KCNH1: variants seen among roughly 807,000 people sequenced by gnomAD.
KCNH1 encodes the protein potassium voltage-gated channel subfamily H member 1.
A neutral mutation model predicts 69.2 loss-of-function variants in KCNH1; 27 were observed. The ratio of observed to expected loss-of-function variants is 0.39; its 90% confidence interval spans 0.29 to 0.54. The LOEUF (loss-of-function observed/expected upper bound fraction) is 0.54, where lower values mean the gene tolerates loss of function less well. Ranked by LOEUF, KCNH1 falls within the 20% of genes least tolerant of loss-of-function variation. The probability of loss-of-function intolerance (pLI) is 0.68; values close to 1 mark genes in which losing one functional copy is unlikely to be tolerated. For synonymous variants in KCNH1, 456 were observed against 487.7 expected (o/e 0.93, Z 0.86); for missense variants, 798 against 1,261.6 (o/e 0.63, Z 5.57).
chr1:211,067,698 C>A (rs914593210), intron 5 of KCNH1, among the ~76,000 whole-genome samples: 6 of 152,160 alleles, frequency 3.9e-5, no homozygotes, highest in African/African-American at 1.4e-4. Context: ...CATCCCCTAC[C>A]CGGTCTAAAG....
intron 10 of KCNH1, among the ~76,000 whole-genome samples, chr1:210,770,338 G>A (rs972910630): frequency 4.6e-5 from 7 of 152,148 alleles, no homozygotes; most frequent in Non-Finnish European, 7.3e-5. Context: ...AAACCTGTAC[G>A]TTCTGCACAT....
chr1:210,684,236 C>T (rs1574178782), intron 10 of KCNH1, 98 bp from the exon 11 acceptor site: 2 of 1,296,084 alleles, frequency 1.5e-6, no homozygotes, highest in Non-Finnish European at 1.0e-6. Flanking sequence ...CCTCTGCTTC[C>T]AGTCCACCTG....
intron 1 of KCNH1, 142 bp from the exon 2 acceptor site, chr1:211,107,519 C>T (rs1691377461): frequency 6.1e-6 from 5 of 825,770 alleles, no homozygotes; most frequent in Non-Finnish European, 9.2e-6. Flanking sequence ...AAATGTCGCC[C>T]TGTAAGGAAT....
chr1:210,852,766 C>T (rs1317083288), intron 7 of KCNH1, among the ~76,000 whole-genome samples: 1 of 152,136 alleles, frequency 6.6e-6, no homozygotes, highest in Non-Finnish European at 1.5e-5. Context: ...CCATGGTTCC[C>T]TTACTTTCAT....
Position 210,955,228 on chromosome 1 carries a change from T to G in KCNH1, c.1033-35159A>C, listed in dbSNP as rs1251099850. Reference sequence around the variant, plus strand: ...GATGGTTATAGATGTGTGGTGTTATTTCTGAGGCCTCTGTTCTGTTCTATT... The same window carrying G: ...GATGGTTATAGATGTGTGGTGTTATGTCTGAGGCCTCTGTTCTGTTCTATT... On this transcript the variant is annotated intron_variant, in intron 6 of 10. Transcript: ENST00000271751. Among the ~76,000 whole-genome samples, 3 of 152,190 alleles carry G rather than the reference T, an allele frequency of 2.0e-5. No homozygotes were observed. In the East Asian group the frequency reaches 5.8e-4, roughly 29 times the overall value.
intron 8 of KCNH1, among the ~76,000 whole-genome samples, chr1:210,802,955 C>T (rs1472643043): frequency 6.6e-6 from 1 of 152,150 alleles, no homozygotes; most frequent in East Asian, 1.9e-4. Context: ...AAAAAAAATG[C>T]TCCCTCACTT....
intron 7 of KCNH1, among the ~76,000 whole-genome samples, chr1:210,824,198 G>A (rs1684991215): frequency 6.6e-6 from 1 of 151,722 alleles, no homozygotes; most frequent in Non-Finnish European, 1.5e-5. Context: ...ATTGGTCTTA[G>A]GACTCCTTTC....
intron 7 of KCNH1, among the ~76,000 whole-genome samples, chr1:210,830,331 A>G (rs1460463732): frequency 6.6e-6 from 1 of 152,200 alleles, no homozygotes; most frequent in African/African-American, 2.4e-5. Context: ...GTGAAGCCAT[A>G]TCAAACCAAG....
At chr1:210,830,540 A>G (rs1301003724) in intron 7 of KCNH1, among the ~76,000 whole-genome samples, 1 of 152,172 alleles carries the variant, frequency 6.6e-6, no homozygotes, top group Admixed American at 6.5e-5. Flanking sequence ...TTCTGTGTCA[A>G]ATAAGGAGAA....
intron 10 of KCNH1, among the ~76,000 whole-genome samples, chr1:210,740,704 A>ATTTTTTT (rs199727493): frequency 8.5e-6 from 1 of 117,264 alleles, no homozygotes; most frequent in Non-Finnish European, 1.7e-5. Flanking sequence ...TTATGATTAA[A>ATTTTTTT]TTTTTTTTTT....
Position 210,919,897 on chromosome 1 carries a change from TC to T in KCNH1, c.1204del (p.Asp402ThrfsTer21). ...WMACIWYSIG[D>X]YEIFDEDTKT... ...GGTGTCCTCGTCAAAGATCTCATAG[TC>T]CCCAATGCTGTACCAGATGCAGGCC... On this transcript the variant is annotated frameshift_variant, in exon 7 of 11. Coordinates refer to ENST00000271751, the MANE Select transcript of KCNH1 (RefSeq NM_172362.3). LOFTEE classifies it high-confidence loss of function. This position sits in a 1 kb window ranked among gnomAD's most constrained non-coding sequence, Gnocchi z 4.2. 6.2e-7 allele frequency: 1 copy of T among 1,614,060 alleles called. No homozygotes were observed. The highest frequency in any genetic ancestry group is 8.5e-7 in the Non-Finnish European group (1 of 1,179,996).
chr1:211,054,214 A>G (rs1033365953), intron 5 of KCNH1, among the ~76,000 whole-genome samples: 12 of 152,244 alleles, frequency 7.9e-5, no homozygotes, highest in Non-Finnish European at 1.3e-4. Context: ...CCTGGGAACC[A>G]GAGGTTACAA....
intron 5 of KCNH1, among the ~76,000 whole-genome samples, chr1:211,064,320 G>A (rs1470120422): frequency 6.6e-6 from 1 of 152,328 alleles, no homozygotes; most frequent in East Asian, 1.9e-4. Flanking sequence ...CAACACTTTG[G>A]GAGGCCAAGG....
At chr1:210,798,826 G>A (rs576457473) in intron 8 of KCNH1, among the ~76,000 whole-genome samples, 9 of 152,282 alleles carry the variant, frequency 5.9e-5, no homozygotes, top group Non-Finnish European at 1.2e-4. Context: ...CTGATGGACT[G>A]AATATAGGGT....
intron 10 of KCNH1, among the ~76,000 whole-genome samples, chr1:210,765,987 C>G (rs540697835): frequency 6.6e-6 from 1 of 151,942 alleles, no homozygotes; most frequent in Admixed American, 6.6e-5. Flanking sequence ...TGCTTGAACC[C>G]GGGAGGTGGA....
At chr1:210,912,376 T>G (rs1687251882) in intron 7 of KCNH1, among the ~76,000 whole-genome samples, 1 of 151,972 alleles carries the variant, frequency 6.6e-6, no homozygotes, top group Non-Finnish European at 1.5e-5. Context: ...TCCCTTAACT[T>G]GCTCTGCAGT....
intron 5 of KCNH1, among the ~76,000 whole-genome samples, chr1:211,073,152 A>G (rs1690677300): frequency 6.6e-6 from 1 of 152,226 alleles, no homozygotes; most frequent in East Asian, 1.9e-4. Flanking sequence ...ATAATGATAA[A>G]AGAGTCAATT....
At chr1:210,867,772 A>T (rs565072260) in intron 7 of KCNH1, among the ~76,000 whole-genome samples, 1 of 152,150 alleles carries the variant, frequency 6.6e-6, no homozygotes, top group East Asian at 1.9e-4. Context: ...ATCCTACAGC[A>T]TGTACTATTT....
chr1:211,118,802 C>T (rs565974812), intron 1 of KCNH1, among the ~76,000 whole-genome samples: 3 of 151,976 alleles, frequency 2.0e-5, no homozygotes, highest in East Asian at 3.8e-4. Flanking sequence ...ATCAAAATTA[C>T]GACAAATAAC....
Sources: allele counts gnomAD v4.1 joint callset (sites outside exome capture counted in the v4.1 genomes callset), GRCh38; gene constraint gnomAD v4.1.1; non-coding constraint Gnocchi (gnomAD v3.1); transcripts MANE v1.5; gene names NCBI Gene and HGNC (gene_info 2026-07-23, HGNC 2026-07-21).